Variants in PCNX2 observed in about 807,000 individuals in gnomAD.
PCNX2 encodes the protein pecanex-like protein 2.
PCNX2 carries 168 observed loss-of-function variants against 223.8 expected under a neutral mutation model. The observed-to-expected ratio is 0.75, with a 90% CI of 0.66 to 0.85. PCNX2 has a LOEUF of 0.85. Ranked by LOEUF, PCNX2 falls within the 40% of genes least tolerant of loss-of-function variation. The probability of loss-of-function intolerance (pLI) is 0.00; values close to 1 mark genes in which losing one functional copy is unlikely to be tolerated. For synonymous variants in PCNX2, 1,006 were observed against 1,052.6 expected, an observed-to-expected ratio of 0.96 and a Z score of 0.86; for missense variants, 2,507 against 2,675.5, an observed-to-expected ratio of 0.94 and a Z score of 1.39.
intron 10 of PCNX2, among the ~76,000 whole-genome samples, chr1:233,222,695 C>T (rs534826710): frequency 6.6e-6 from 1 of 152,292 alleles, no homozygotes; most frequent in African/African-American, 2.4e-5. Flanking sequence ...GCGAAAATAA[C>T]TTCCTACAAG....
In PCNX2 at chr1:232,998,401, C is replaced by A; in HGVS notation, c.5641G>T (p.Gly1881Cys). The A allele has an allele frequency of 6.2e-7, 1 of 1,612,806 alleles. No individual in the cohort carries two copies. The highest frequency in any genetic ancestry group is 8.5e-7 in the Non-Finnish European group (1 of 1,179,580). The change falls in exon 32 of 34, where the codon GGC becomes TGC. Residue 1881 changes from glycine to cysteine, a missense_variant. Gly to Cys is a radical substitution (Grantham distance 159, BLOSUM62 -3). Around this residue, in one of 3 missense-constraint regions of PCNX2, gnomAD observed 1,372 missense variants for 1,509.4 expected, o/e 0.91. Transcript: ENST00000258229. ...CCTCCGTCCACGTCTTCAATGTTGC[C>A]GCCACTGTGCTGGCGGGCATTGCAA... Reference protein sequence around the residue: ...KDCNARQHSGGNIEDVDGGGA... With the variant: ...KDCNARQHSGCNIEDVDGGGA...
intron 26 of PCNX2, among the ~76,000 whole-genome samples, chr1:233,017,384 C>A (rs942301524): frequency 1.4e-4 from 19 of 135,350 alleles, no homozygotes; most frequent in Admixed American, 3.2e-4. Flanking sequence ...GCGGTGCGAT[C>A]TCGGCTCACT....
intron 1 of PCNX2, among the ~76,000 whole-genome samples, chr1:233,273,531 A>C (rs996676134): frequency 6.6e-6 from 1 of 152,136 alleles, no homozygotes; most frequent in Non-Finnish European, 1.5e-5. Flanking sequence ...AAATGTGTTT[A>C]GTTTGATTCT....
At chr1:233,145,512 C>T (rs925608534) in intron 19 of PCNX2, among the ~76,000 whole-genome samples, 1 of 152,122 alleles carries the variant, frequency 6.6e-6, no homozygotes, top group Non-Finnish European at 1.5e-5. Flanking sequence ...TGTGCCTCTA[C>T]GTGTGCTAGA....
chr1:232,992,666 G>A (rs1340135262), intron 32 of PCNX2, among the ~76,000 whole-genome samples: 1 of 152,180 alleles, frequency 6.6e-6, no homozygotes, highest in Non-Finnish European at 1.5e-5. Flanking sequence ...GTGACACTGG[G>A]CAGTGACTTA....
At chr1:233,308,407 C>T in the PCNX2 span, among the ~76,000 whole-genome samples, 11 of 151,392 alleles carry the variant, frequency 7.3e-5, no homozygotes, top group African/African-American at 2.4e-4. Flanking sequence ...TGCAGTGAGC[C>T]GAGATCGTGC....
chr1:233,194,771 C>T (rs113826822), intron 15 of PCNX2, among the ~76,000 whole-genome samples: 13,139 of 152,046 alleles, frequency 0.086, 1,353 homozygotes, highest in African/African-American at 0.25. Flanking sequence ...AATCCCAGCA[C>T]TTTGGGAGGC....
upstream of PCNX2, among the ~76,000 whole-genome samples, chr1:233,296,978 C>T (rs1662159222): frequency 6.6e-6 from 1 of 152,236 alleles, no homozygotes; most frequent in Non-Finnish European, 1.5e-5. Context: ...TTCTACTTTA[C>T]ATTCATCAGT....
intron 1 of PCNX2, among the ~76,000 whole-genome samples, chr1:233,273,159 A>T (rs995168152): frequency 6.6e-6 from 1 of 151,376 alleles, no homozygotes; most frequent in Non-Finnish European, 1.5e-5. Context: ...AAAAAAAATC[A>T]TTAAAAAAAC....
chr1:233,062,095 C>T (rs1008593409), intron 23 of PCNX2, among the ~76,000 whole-genome samples: 1 of 152,004 alleles, frequency 6.6e-6, no homozygotes, highest in African/African-American at 2.4e-5. Context: ...CTTTAGCTGC[C>T]CTCACTGGGG....
At chr1:233,029,420 TAAAC>T (rs1176689458) in intron 25 of PCNX2, among the ~76,000 whole-genome samples, 4 of 152,202 alleles carry the variant, frequency 2.6e-5, no homozygotes, top group Non-Finnish European at 5.9e-5. Flanking sequence ...ATTTTTTGCT[TAAAC>T]AATCAATTCT....
Position 233,014,702 on chromosome 1 carries a change from T to G in PCNX2, c.4915A>C (p.Arg1639=), listed in dbSNP as rs1471749003. 6.2e-7 allele frequency: 1 copy of G among 1,613,790 alleles called. No individual in the cohort carries two copies. The highest frequency in any genetic ancestry group is 8.5e-7 in the Non-Finnish European group (1 of 1,179,904). The part of the protein sequence containing the change: ...LSFALCTLGR[R]ALGTAAHNMA... ...TTGTGAGCGGCTGTTCCCAGAGCTC[T>G]CCTCCCCAGGGTGCACAGGGCGAAG... The change falls in exon 28 of 34, where the codon AGA becomes CGA. Residue 1639 remains arginine (R), a synonymous_variant. Transcript: ENST00000258229.
intron 25 of PCNX2, among the ~76,000 whole-genome samples, chr1:233,044,915 C>T (rs186810224): frequency 9.2e-4 from 140 of 152,160 alleles, no homozygotes; most frequent in African/African-American, 1.7e-3. Context: ...GTGATCCACC[C>T]GCCTCAGCCT....
chr1:233,158,401 T>A (rs768139795), intron 19 of PCNX2, among the ~76,000 whole-genome samples: 23 of 152,104 alleles, frequency 1.5e-4, no homozygotes, highest in Non-Finnish European at 3.1e-4. Flanking sequence ...GGCACAGGTA[T>A]AGGTACAGGT....
At chr1:233,277,799 C>T (rs1462156054) in intron 1 of PCNX2, among the ~76,000 whole-genome samples, 1 of 151,974 alleles carries the variant, frequency 6.6e-6, no homozygotes, top group East Asian at 1.9e-4. Context: ...AACACGGTGC[C>T]TTGACTCTCC....
intron 21 of PCNX2, among the ~76,000 whole-genome samples, chr1:233,123,723 A>T (rs776609399): frequency 2.0e-5 from 3 of 152,242 alleles, no homozygotes; most frequent in Non-Finnish European, 4.4e-5. Context: ...TATGAATGAG[A>T]AGAGATTTGG....
rs370445017 is a variant in PCNX2 at position 233,001,580 on chromosome 1, T to C, written c.5054A>G (p.Lys1685Arg). ...WVFADMDLLH[K>R]VVAPAIRMSL... ...CATCCTGATAGCTGGAGCTACAACT[T>C]TATGCAGTAGGTCCATGTCAGCAAA... Residue 1685 changes from lysine to arginine, a missense_variant, in exon 29 of 34, where the codon AAA becomes AGA. Physicochemically the swap from Lys to Arg is conservative, Grantham distance 26 (BLOSUM62 2). Around this residue, in one of 3 missense-constraint regions of PCNX2, gnomAD observed 1,372 missense variants for 1,509.4 expected, o/e 0.91. Coordinates refer to ENST00000258229, the MANE Select transcript of PCNX2 (RefSeq NM_014801.4). This position sits in a 1 kb window ranked among gnomAD's most constrained non-coding sequence, Gnocchi z 4.2. 61 of 1,537,298 alleles carry C rather than the reference T, an allele frequency of 4.0e-5. No homozygotes were observed. Among genetic ancestry groups the C allele is most frequent in the Non-Finnish European group, 5.3e-5 (60 of 1,136,254 alleles).
chr1:233,236,860 C>T lies in PCNX2; in HGVS notation c.2343G>A (p.Gln781=). Reference sequence around the variant, plus strand: ...ATGTACGTACCCGTGGGGTTTCCGACTGGGTCCTGCGAGCCACCATCAGTA... The same window carrying T: ...ATGTACGTACCCGTGGGGTTTCCGATTGGGTCCTGCGAGCCACCATCAGTA... ...QLLLMVARRT[Q]SETPRHVSQD... The change falls in exon 9 of 34, where the codon CAG becomes CAA. Residue 781 remains glutamine (Q), a synonymous_variant. Transcript: ENST00000258229. 6.2e-7 allele frequency: 1 copy of T among 1,613,854 alleles called. No homozygotes were observed. The highest frequency in any genetic ancestry group is 8.5e-7 in the Non-Finnish European group (1 of 1,179,832).
At position 233,108,355 on chromosome 1, in the gene PCNX2, T is replaced by C. The variant is rs867600898; in HGVS notation, c.3838-12492A>G. Among the ~76,000 whole-genome samples, 6 of 152,186 alleles carry C rather than the reference T, an allele frequency of 3.9e-5. No individual in the cohort carries two copies. In the South Asian group the frequency reaches 8.3e-4, roughly 21 times the overall value. On this transcript the variant is annotated intron_variant, in intron 21 of 33. Transcript: ENST00000258229. ...ATACCTTCAGGGAGAAAAGAGACAA[T>C]AAGCACTCACTCACCTGGGGCAGAT...
Sources: allele counts gnomAD v4.1 joint callset (sites outside exome capture counted in the v4.1 genomes callset), GRCh38; gene constraint gnomAD v4.1.1; regional missense constraint gnomAD v4.1.1; non-coding constraint Gnocchi (gnomAD v3.1); transcripts MANE v1.5; gene names NCBI Gene and HGNC (gene_info 2026-07-23, HGNC 2026-07-21).